The following PCDH17 variants were observed in gnomAD, a reference collection of about 807,000 sequenced individuals.
The protein encoded by PCDH17 is protocadherin-17.
Under a neutral mutation model 67.7 loss-of-function variants are expected in PCDH17, and 21 were observed. The observed-to-expected ratio is 0.31, with a 90% CI of 0.22 to 0.45. PCDH17 has a LOEUF of 0.45. Ranked by LOEUF, PCDH17 falls within the 20% of genes least tolerant of loss-of-function variation. The probability of loss-of-function intolerance (pLI) is 1.00; values close to 1 mark genes in which losing one functional copy is unlikely to be tolerated. For missense variants in PCDH17, 1,471 were observed against 1,564.8 expected, an observed-to-expected ratio of 0.94 and a Z score of 1.01; for synonymous variants, 701 against 656.7, an observed-to-expected ratio of 1.07 and a Z score of -1.03.
At chr13:57,635,162 G>A (rs1330885148) in intron 1 of PCDH17, 51 bp downstream of exon 1, 15 of 1,593,458 alleles carry the variant, frequency 9.4e-6, no homozygotes, top group Non-Finnish European at 1.2e-5. Context: ...TGGTTTTGGA[G>A]CTGTCCTGAA....
chr13:57,640,263 G>T (rs1369883498), intron 1 of PCDH17, among the ~76,000 whole-genome samples: 3 of 151,784 alleles, frequency 2.0e-5, no homozygotes, highest in African/African-American at 7.3e-5. Flanking sequence ...CAAATATAAA[G>T]GGCATACATT....
intron 3 of PCDH17, among the ~76,000 whole-genome samples, chr13:57,721,653 CCTTT>C (rs913424393): frequency 6.6e-5 from 10 of 151,906 alleles, no homozygotes; most frequent in African/African-American, 1.5e-4. Flanking sequence ...TTAAACAAAC[CCTTT>C]CTTTGTGGCA....
intron 3 of PCDH17, among the ~76,000 whole-genome samples, chr13:57,716,986 C>T (rs9537783): frequency 6.6e-6 from 1 of 152,088 alleles, no homozygotes; most frequent in South Asian, 2.1e-4. Flanking sequence ...TGTCTTTATG[C>T]TGGTGGGACG....
chr13:57,703,333 AG>A (rs543517734), intron 3 of PCDH17, among the ~76,000 whole-genome samples: 16 of 152,272 alleles, frequency 1.1e-4, no homozygotes, highest in Non-Finnish European at 1.3e-4. Flanking sequence ...AAGAACTTCT[AG>A]GGGTAGTAAA....
At chr13:57,693,071 G>A (rs1955573498) in intron 3 of PCDH17, among the ~76,000 whole-genome samples, 1 of 150,202 alleles carries the variant, frequency 6.7e-6, no homozygotes, top group Non-Finnish European at 1.5e-5. Flanking sequence ...GCCTGGATAG[G>A]AGGTTATAGT....
intron 1 of PCDH17, among the ~76,000 whole-genome samples, chr13:57,646,879 C>G (rs1954972131): frequency 6.6e-6 from 1 of 151,748 alleles, no homozygotes; most frequent in Non-Finnish European, 1.5e-5. Context: ...GAAAATAAGA[C>G]ACATCAGCAA....
chr13:57,714,856 G>GA (rs1250218313), intron 3 of PCDH17, among the ~76,000 whole-genome samples: 1 of 151,622 alleles, frequency 6.6e-6, no homozygotes. Flanking sequence ...TGCAGTAGAA[G>GA]AAAAAAACAA....
At chr13:57,691,738 A>G (rs1018684586) in intron 3 of PCDH17, among the ~76,000 whole-genome samples, 1 of 151,244 alleles carries the variant, frequency 6.6e-6, no homozygotes, top group African/African-American at 2.4e-5. Flanking sequence ...ATGAGAAAGA[A>G]AATTATTTAA....
intron 3 of PCDH17, among the ~76,000 whole-genome samples, chr13:57,693,889 A>G (rs751487039): frequency 6.6e-6 from 1 of 151,070 alleles, no homozygotes; most frequent in Admixed American, 6.6e-5. Flanking sequence ...TTCAGAGACC[A>G]GTTAAAGTCA....
At position 57,632,525 on chromosome 13, in the gene PCDH17, G is replaced by A. The variant is rs1369001973; in HGVS notation, c.-22G>A. ...TGGCTCCTCCAGTCCGATTGCTCCT[G>A]CCCCCACCTTACAGGTCTGGGATGT... is the stretch of plus-strand genomic sequence containing the variant. On this transcript the variant is annotated 5_prime_UTR_variant, in exon 1 of 4. Transcript: ENST00000377918. 3 of 1,605,390 alleles carry A rather than the reference G, an allele frequency of 1.9e-6. No homozygotes were observed. Among genetic ancestry groups the A allele is most frequent in the Non-Finnish European group, 2.6e-6 (3 of 1,175,640 alleles).
chr13:57,713,061 CT>C (rs1955790058), intron 3 of PCDH17, among the ~76,000 whole-genome samples: 1 of 151,524 alleles, frequency 6.6e-6, no homozygotes. Flanking sequence ...AGAAATAGCC[CT>C]CTCCAGTAGC....
chr13:57,672,812 A>G (rs1955338792), intron 3 of PCDH17, among the ~76,000 whole-genome samples: 1 of 151,952 alleles, frequency 6.6e-6, no homozygotes, highest in South Asian at 2.1e-4. Flanking sequence ...ATAACAGACA[A>G]CAGCCAAACT....
chr13:57,656,674 G>T (rs1391614125), intron 1 of PCDH17, among the ~76,000 whole-genome samples: 1 of 152,132 alleles, frequency 6.6e-6, no homozygotes, highest in Admixed American at 6.6e-5. Context: ...GAAAGCAGAG[G>T]AATGTCTCCA....
Position 57,632,681 on chromosome 13 carries a change from G to A in PCDH17, c.135G>A (p.Gln45=), listed in dbSNP as rs1359959120. ...IGNIGRDARL[Q]PGLPPAERGG... ...ACATCGGCAGGGATGCTCGACTGCA[G>A]CCTGGGCTTCCGCCTGCAGAGCGCG... Residue 45 remains glutamine, a synonymous_variant, in exon 1 of 4, where the codon CAG becomes CAA. Coordinates refer to ENST00000377918, the MANE Select transcript of PCDH17 (RefSeq NM_001040429.3). 1.9e-6 allele frequency: 3 copies of A among 1,611,548 alleles called. No individual in the cohort carries two copies. Among genetic ancestry groups the A allele is most frequent in the Non-Finnish European group, 1.7e-6 (2 of 1,179,930 alleles).
chr13:57,700,460 A>T (rs1955651670), intron 3 of PCDH17, among the ~76,000 whole-genome samples: 1 of 151,960 alleles, frequency 6.6e-6, no homozygotes, highest in Admixed American at 6.6e-5. Flanking sequence ...CTGGGACTAC[A>T]GGCGCGTGCC....
intron 3 of PCDH17, among the ~76,000 whole-genome samples, chr13:57,717,651 G>C (rs560389664): frequency 6.6e-6 from 1 of 152,080 alleles, no homozygotes; most frequent in African/African-American, 2.4e-5. Context: ...CAAAAGCATT[G>C]TGCGATGCAG....
chr13:57,676,301 A>G (rs867329468), intron 3 of PCDH17, among the ~76,000 whole-genome samples: 1 of 151,904 alleles, frequency 6.6e-6, no homozygotes, highest in African/African-American at 2.4e-5. Context: ...ATAAAACTTG[A>G]TGTGTTATTG....
intron 3 of PCDH17, among the ~76,000 whole-genome samples, chr13:57,684,428 C>T (rs574746478): frequency 6.6e-6 from 1 of 151,838 alleles, no homozygotes; most frequent in South Asian, 2.1e-4. Flanking sequence ...CTACATCTAC[C>T]AAAATATTAT....
At position 57,727,444 on chromosome 13, in the gene PCDH17, C is replaced by A. The variant is rs964720376; in HGVS notation, c.*2150C>A. 6.6e-6 allele frequency: 1 copy of A among 152,224 alleles called. No homozygotes were observed. The highest frequency in any genetic ancestry group is 1.9e-4 in the East Asian group (1 of 5,194). The allele number at this position is 152,224 out of a possible 1,614,324, so 9.4% of individuals were successfully genotyped here. On this transcript the variant is annotated 3_prime_UTR_variant, in exon 4 of 4. Transcript: ENST00000377918. ...GTTTTGTAATTTTAAACTTTAAAAA[C>A]TTCTACTGAAAATATTTCCGCCAAA...
Sources: gnomAD v4.1 joint callset for allele counts (sites outside exome capture counted in the v4.1 genomes callset) on GRCh38, gnomAD v4.1.1 for gene constraint, MANE v1.5 for transcripts, NCBI Gene and HGNC (gene_info 2026-07-23, HGNC 2026-07-21) for gene names.